CD80: variants seen among roughly 807,000 people sequenced by gnomAD.
The protein encoded by CD80 is CD80 molecule, also known as T-lymphocyte activation antigen CD80.
In CD80, 13 loss-of-function variants were observed where a neutral mutation model predicts 27.1. The ratio of observed to expected loss-of-function variants is 0.48; its 90% CI spans 0.31 to 0.76. The LOEUF (loss-of-function observed/expected upper bound fraction) is 0.76. Among genes scored for constraint, CD80 ranks in the 30% least tolerant of loss-of-function variants. CD80 has a pLI of 0.04. For synonymous variants in CD80, 125 were observed against 125.5 expected (o/e 1.00, Z 0.03); for missense variants, 277 against 347.9 (o/e 0.80, Z 1.62).
chr3:119,554,047 G>C (rs2107748185), intron 2 of CD80, among the ~76,000 whole-genome samples: 1 of 152,348 alleles, frequency 6.6e-6, no homozygotes, highest in South Asian at 2.1e-4. Flanking sequence ...TGTTCACACT[G>C]TTCCTGACTT....
At chr3:119,537,450 A>G (rs2082145617) in intron 3 of CD80, 32 bp from the exon 4 acceptor site, 3 of 1,437,302 alleles carry the variant, frequency 2.1e-6, no homozygotes, top group Non-Finnish European at 1.9e-6. Flanking sequence ...ATAATTACGT[A>G]TAGTTACAAA....
chr3:119,545,483 T>C (rs2082197088), intron 2 of CD80, among the ~76,000 whole-genome samples: 2 of 152,224 alleles, frequency 1.3e-5, no homozygotes, highest in African/African-American at 4.8e-5. Flanking sequence ...TGAAACTCTA[T>C]GCCCATTAAA....
At chr3:119,527,502 A>G (rs768401816) in intron 6 of CD80, 2 of 464,320 alleles carry the variant, frequency 4.3e-6, no homozygotes, top group South Asian at 9.5e-5. Flanking sequence ...TTGGCTGACA[A>G]GACAATTCAA....
intron 2 of CD80, among the ~76,000 whole-genome samples, chr3:119,554,470 T>C (rs146605225): frequency 1.3e-5 from 2 of 152,318 alleles, no homozygotes; most frequent in Non-Finnish European, 2.9e-5. Flanking sequence ...TTAGAGCCTC[T>C]GCCTTACTGC....
intron 3 of CD80, among the ~76,000 whole-genome samples, chr3:119,538,590 T>G (rs1006328833): frequency 2.0e-5 from 3 of 152,260 alleles, no homozygotes; most frequent in African/African-American, 7.2e-5. Context: ...CCTTTGCTCT[T>G]GAGAATGGTT....
At chr3:119,531,471 G>A (rs569621032) in intron 4 of CD80, among the ~76,000 whole-genome samples, 38 of 152,272 alleles carry the variant, frequency 2.5e-4, no homozygotes, top group Non-Finnish European at 4.7e-4. Context: ...AGGATTTGCA[G>A]TAGATCTCTT....
intron 6 of CD80, 175 bp downstream of exon 6, chr3:119,527,558 A>C: frequency 2.0e-6 from 1 of 505,418 alleles, no homozygotes; most frequent in Non-Finnish European, 3.5e-6. Flanking sequence ...ACATTAAGCA[A>C]ATTGCATATG....
chr3:119,539,596 T>C (rs2082156699), intron 3 of CD80, among the ~76,000 whole-genome samples: 1 of 152,192 alleles, frequency 6.6e-6, no homozygotes, highest in African/African-American at 2.4e-5. Context: ...GTTTCATTTA[T>C]ATATTTGATC....
rs746697581 is a variant in CD80 at position 119,529,900 on chromosome 3, G to A, written c.738C>T (p.Ser246=). 21 of 1,613,852 alleles carry A rather than the reference G, an allele frequency of 1.3e-5. No individual in the cohort carries two copies. In the Middle Eastern group the frequency reaches 8.2e-4, roughly 63 times the overall value. The change falls in exon 5 of 7, where the codon TCC becomes TCT. Residue 246 remains serine, a synonymous_variant. Coordinates refer to ENST00000264246, the MANE Select transcript of CD80 (RefSeq NM_005191.4). ...QEHFPDNLLP[S]WAITLISVNG... ...TTACTGAGATTAAGGTAATGGCCCA[G>A]GATGGGAGCAGGTTATCAGGAAAAT...
At chr3:119,530,032 C>A in intron 4 of CD80, 95 bp from the exon 5 acceptor site, 2 of 858,752 alleles carry the variant, frequency 2.3e-6, no homozygotes, top group Non-Finnish European at 3.8e-6. Flanking sequence ...GTGGAGTATT[C>A]TTTGCCTGGT....
chr3:119,538,877 C>A (rs1159540901), intron 3 of CD80, among the ~76,000 whole-genome samples: 1 of 152,092 alleles, frequency 6.6e-6, no homozygotes, highest in South Asian at 2.1e-4. Flanking sequence ...GCATTGTGTG[C>A]GTGTGAGTGG....
chr3:119,557,567 C>A (rs1435934299), intron 2 of CD80, 62 bp downstream of exon 2: 8 of 1,152,688 alleles, frequency 6.9e-6, no homozygotes, highest in Non-Finnish European at 6.4e-6. Flanking sequence ...CTCAGAGAAC[C>A]CCATGTCCTT....
chr3:119,555,749 T>C lies in CD80; in HGVS notation c.100+1880A>G, dbSNP rs577065058. 9.2e-5 allele frequency among the ~76,000 whole-genome samples: 14 copies of C among 152,366 alleles called. No individual in the cohort carries two copies. In the South Asian group the frequency reaches 2.1e-3, roughly 23 times the overall value. On this transcript the variant is annotated intron_variant, in intron 2 of 6. Coordinates refer to ENST00000264246, the MANE Select transcript of CD80 (RefSeq NM_005191.4). ...GGATTACTTTTCCTCTTTCCAATGATAGTAAATTTCACAAATGCAAGAGCC... is the reference window on the plus strand; with the variant it reads ...GGATTACTTTTCCTCTTTCCAATGACAGTAAATTTCACAAATGCAAGAGCC...
chr3:119,536,166 G>T (rs1280427282), intron 4 of CD80, among the ~76,000 whole-genome samples: 2 of 151,976 alleles, frequency 1.3e-5, no homozygotes, highest in East Asian at 1.9e-4. Context: ...CAGAAGAATT[G>T]CTTGAACCTG....
chr3:119,550,275 A>G (rs758539344), intron 2 of CD80, among the ~76,000 whole-genome samples: 2 of 152,062 alleles, frequency 1.3e-5, no homozygotes, highest in Non-Finnish European at 2.9e-5. Flanking sequence ...ATTCCCAGCC[A>G]AAAAGAATCC....
At chr3:119,557,560 A>G (rs927279370) in intron 2 of CD80, 69 bp downstream of exon 2, 3 of 1,064,898 alleles carry the variant, frequency 2.8e-6, no homozygotes, top group African/African-American at 3.2e-5. Flanking sequence ...GGAGCAGCTC[A>G]GAGAACCCCA....
intron 1 of CD80, among the ~76,000 whole-genome samples, chr3:119,559,139 C>A (rs981567571): frequency 6.6e-6 from 1 of 152,198 alleles, no homozygotes; most frequent in East Asian, 1.9e-4. Flanking sequence ...CGAGCTCAAG[C>A]GATTTTCCCA....
intron 2 of CD80, among the ~76,000 whole-genome samples, chr3:119,550,411 TGAA>T (rs1056248232): frequency 1.3e-5 from 2 of 152,030 alleles, no homozygotes; most frequent in Non-Finnish European, 2.9e-5. Flanking sequence ...AGGAGAAGAG[TGAA>T]GAAGAACAGG....
At chr3:119,542,592 A>G (rs2082175906) in intron 3 of CD80, among the ~76,000 whole-genome samples, 1 of 152,130 alleles carries the variant, frequency 6.6e-6, no homozygotes, top group African/African-American at 2.4e-5. Context: ...ATTAAAGTGA[A>G]ACCCCCTTTG....
Sources: allele counts gnomAD v4.1 joint callset (sites outside exome capture counted in the v4.1 genomes callset), GRCh38; gene constraint gnomAD v4.1.1; transcripts MANE v1.5; gene names NCBI Gene and HGNC (gene_info 2026-07-23, HGNC 2026-07-21).